The following HDAC4 variants were observed in gnomAD, a reference collection of about 807,000 sequenced individuals.
The protein encoded by HDAC4 is histone deacetylase 4, also known as histone deacetylase A.
Under a neutral mutation model 135.1 loss-of-function variants are expected in HDAC4, and 16 were observed. The ratio of observed to expected loss-of-function variants is 0.12; its 90% CI spans 0.08 to 0.18. The LOEUF (loss-of-function observed/expected upper bound fraction) is 0.18, where lower values mean the gene tolerates loss of function less well. Among genes scored for constraint, HDAC4 ranks in the 10% least tolerant of loss-of-function variants. The pLI, the probability that HDAC4 is intolerant of heterozygous loss-of-function variation, is 1.00. For synonymous variants in HDAC4, 685 were observed against 653.4 expected (o/e 1.05, Z -0.74); for missense variants, 1,143 against 1,511.8 (o/e 0.76, Z 4.05).
At position 239,190,064 on chromosome 2, in the gene HDAC4, C is replaced by G. The variant is rs772822780; in HGVS notation, c.108G>C (p.Thr36=). 3.7e-6 allele frequency: 6 copies of G among 1,600,246 alleles called. No homozygotes were observed. The highest frequency in any genetic ancestry group is 4.2e-6 in the Non-Finnish European group (5 of 1,179,048). The part of the protein sequence containing the change: ...NHMPSTVDVA[T]ALPLQVAPSA... ...AGGGGGCCACTTGCAGAGGCAGCGC[C>G]GTGGCCACATCCACTGTGGGAAAAA... Residue 36 remains threonine, a synonymous_variant, in exon 4 of 27, where the codon ACG becomes ACC. Coordinates refer to ENST00000543185, the MANE Select transcript of HDAC4 (RefSeq NM_001378414.1).
chr2:239,189,791 GCCGGAGGCCTGGCCCAC>G, intron 4 of HDAC4, 25 bp downstream of exon 4: 2 of 1,571,964 alleles, frequency 1.3e-6, no homozygotes, highest in South Asian at 2.2e-5. Flanking sequence ...AGTTGAGGGT[GCCGGAGGCCTGGCCCAC>G]CCGCAGCCCC....
intron 3 of HDAC4, among the ~76,000 whole-genome samples, chr2:239,197,144 A>G (rs970162878): frequency 3.3e-5 from 5 of 152,172 alleles, no homozygotes; most frequent in East Asian, 1.9e-4. Context: ...AAAGGGAGGC[A>G]TGAGAGTAAG....
At chr2:239,064,708 G>A (rs1488332653) in intron 24 of HDAC4, among the ~76,000 whole-genome samples, 1 of 152,224 alleles carries the variant, frequency 6.6e-6, no homozygotes, top group African/African-American at 2.4e-5. Context: ...AGGTGGTGGA[G>A]GTGGGAACTG....
At chr2:239,111,488 G>A (rs749776335) in intron 14 of HDAC4, 38 bp downstream of exon 14, 11 of 1,581,200 alleles carry the variant, frequency 7.0e-6, no homozygotes, top group Admixed American at 3.5e-5. Context: ...ACTGTGGCCC[G>A]CGTTGCACCC....
In HDAC4 at chr2:239,299,381, G is replaced by A. The variant is rs76251647; in HGVS notation, c.22+53297C>T. Among the ~76,000 whole-genome samples the A allele has an allele frequency of 2.2e-3, 333 of 152,224 alleles. 1 individual carries two copies. Among genetic ancestry groups the A allele is most frequent in the African/African-American group, 7.4e-3 (306 of 41,532 alleles). On this transcript the variant is annotated intron_variant, in intron 2 of 26. Coordinates refer to ENST00000543185, the MANE Select transcript of HDAC4 (RefSeq NM_001378414.1). This position sits in a 1 kb window ranked among gnomAD's most constrained non-coding sequence, Gnocchi z 4.0. ...CAGAGCGTGGTGCAATGATCAGGAC[G>A]GAGGTGCCTAACAATCCCAATAAAA...
At chr2:239,251,670 C>T (rs1418203093) in intron 2 of HDAC4, among the ~76,000 whole-genome samples, 2 of 152,078 alleles carry the variant, frequency 1.3e-5, no homozygotes, top group African/African-American at 2.4e-5. Flanking sequence ...GCTTGAGATG[C>T]CCCAATCTAC....
chr2:239,261,247 C>T (rs777276233), intron 2 of HDAC4, among the ~76,000 whole-genome samples: 2 of 152,150 alleles, frequency 1.3e-5, no homozygotes, highest in African/African-American at 2.4e-5. Flanking sequence ...CAGGTACTGC[C>T]GAGGCCTAAA....
intron 24 of HDAC4, among the ~76,000 whole-genome samples, chr2:239,060,396 C>A (rs12472107): frequency 0.16 from 24,044 of 152,124 alleles, 2,510 homozygotes; most frequent in Admixed American, 0.34. Flanking sequence ...TCTAATTCAC[C>A]CCACTAAGAA....
chr2:239,143,943 G>T (rs1170704717), intron 8 of HDAC4, among the ~76,000 whole-genome samples: 1 of 152,198 alleles, frequency 6.6e-6, no homozygotes, highest in Non-Finnish European at 1.5e-5. Context: ...TGGGGTGAGG[G>T]GTGTACCCTG....
chr2:239,067,969 T>A (rs539647824), intron 23 of HDAC4, among the ~76,000 whole-genome samples: 3 of 152,084 alleles, frequency 2.0e-5, no homozygotes, highest in Non-Finnish European at 4.4e-5. Context: ...TCCTTGTGAG[T>A]TGCTGAGGCA....
chr2:239,147,360 A>G (rs982637375), intron 7 of HDAC4, among the ~76,000 whole-genome samples: 3 of 152,258 alleles, frequency 2.0e-5, no homozygotes, highest in Middle Eastern at 3.2e-3. Context: ...GACTTAAGAC[A>G]TAGGGACCTA....
chr2:239,071,368 T>C (rs577727563), intron 22 of HDAC4, among the ~76,000 whole-genome samples: 3 of 151,918 alleles, frequency 2.0e-5, no homozygotes, highest in Non-Finnish European at 4.4e-5. Flanking sequence ...TGAGTCAAGA[T>C]CATGCCACTG....
At position 239,115,141 on chromosome 2, in the gene HDAC4, A is replaced by G. The variant is rs201941351; in HGVS notation, c.1703T>C (p.Ile568Thr). ...QAGVQVKQEP[I>T]ESDEEEAEPP... ...CTCTGCCTCTTCCTCATCGCTCTCA[A>G]TGGGCTCCTGCTTCACCTGCACGCC... The change falls in exon 13 of 27, where the codon ATT becomes ACT. Residue 568 changes from isoleucine (I) to threonine (T), a missense_variant. Ile to Thr is a moderately conservative substitution (Grantham distance 89). Coordinates refer to ENST00000543185, the MANE Select transcript of HDAC4 (RefSeq NM_001378414.1). This position sits in a 1 kb window ranked among gnomAD's most constrained non-coding sequence, Gnocchi z 6.3. 91 of 1,611,604 alleles carry G rather than the reference A, an allele frequency of 5.6e-5. No individual in the cohort carries two copies. The highest frequency in any genetic ancestry group is 6.6e-5 in the South Asian group (6 of 91,072).
At chr2:239,288,242 C>A (rs2051249070) in intron 2 of HDAC4, among the ~76,000 whole-genome samples, 1 of 152,182 alleles carries the variant, frequency 6.6e-6, no homozygotes, top group Non-Finnish European at 1.5e-5. Flanking sequence ...GAAAACTATA[C>A]GATCATCACA....
chr2:239,374,934 G>A (rs1694903774), intron 1 of HDAC4, among the ~76,000 whole-genome samples: 1 of 152,286 alleles, frequency 6.6e-6, no homozygotes, highest in South Asian at 2.1e-4. Context: ...TCAGAGACCC[G>A]ATCTAAAGAG....
chr2:239,394,526 C>T (rs950222345), intron 1 of HDAC4, among the ~76,000 whole-genome samples: 1 of 152,240 alleles, frequency 6.6e-6, no homozygotes, highest in African/African-American at 2.4e-5. Flanking sequence ...ATTTGCCACT[C>T]GACAGCTGTG....
Position 239,250,077 on chromosome 2 carries a change from G to A in HDAC4, c.23-13413C>T, listed in dbSNP as rs79031064. Among the ~76,000 whole-genome samples, 945 of 152,362 alleles carry A rather than the reference G, an allele frequency of 6.2e-3. 20 individuals carry two copies. In the East Asian group the frequency reaches 0.086, roughly 14 times the overall value. ...CGCAGCATCCTCCGTGATGGCCACC[G>A]CGGCCTCTCCCATCGGAATTGCAGG... On this transcript the variant is annotated intron_variant, in intron 2 of 26. Coordinates refer to ENST00000543185, the MANE Select transcript of HDAC4 (RefSeq NM_001378414.1).
At chr2:239,238,490 GT>G (rs2048010989) in intron 2 of HDAC4, among the ~76,000 whole-genome samples, 1 of 152,128 alleles carries the variant, frequency 6.6e-6, no homozygotes, top group South Asian at 2.1e-4. Context: ...GCCAATGCCT[GT>G]CCCCCAGAAC....
At chr2:239,136,876 C>A (rs2040999501) in intron 9 of HDAC4, among the ~76,000 whole-genome samples, 1 of 152,218 alleles carries the variant, frequency 6.6e-6, no homozygotes, top group Non-Finnish European at 1.5e-5. Flanking sequence ...GCGCACCTCG[C>A]CCCAGAGGAA....
Sources: allele counts gnomAD v4.1 joint callset (sites outside exome capture counted in the v4.1 genomes callset), GRCh38; gene constraint gnomAD v4.1.1; non-coding constraint Gnocchi (gnomAD v3.1); transcripts MANE v1.5; gene names NCBI Gene and HGNC (gene_info 2026-07-23, HGNC 2026-07-21).